Variants in PPARA observed in about 807,000 individuals in gnomAD.
The protein encoded by PPARA is peroxisome proliferator-activated receptor alpha.
Under a neutral mutation model 42.2 loss-of-function variants are expected in PPARA, and 22 were observed. That is an observed-to-expected ratio of 0.52 (90% CI 0.37 to 0.74). PPARA has a LOEUF of 0.74. PPARA is among the 30% of genes least tolerant of loss of function. The probability of loss-of-function intolerance (pLI) is 0.00; values close to 1 mark genes in which losing one functional copy is unlikely to be tolerated. For missense variants in PPARA, 465 were observed against 608.2 expected, an observed-to-expected ratio of 0.76 and a Z score of 2.48; for synonymous variants, 242 against 239.3, an observed-to-expected ratio of 1.01 and a Z score of -0.10.
intron 3 of PPARA, among the ~76,000 whole-genome samples, chr22:46,197,862 C>A (rs1932469052): frequency 6.6e-6 from 1 of 151,434 alleles, no homozygotes; most frequent in Non-Finnish European, 1.5e-5. Flanking sequence ...TGAGATCGCA[C>A]CACTGTACTC....
chr22:46,217,599 A>G (rs1015024442), intron 5 of PPARA, among the ~76,000 whole-genome samples: 1 of 152,138 alleles, frequency 6.6e-6, no homozygotes, highest in Non-Finnish European at 1.5e-5. Context: ...ACAAATATGG[A>G]AATGTCACAA....
At chr22:46,154,384 G>T (rs900909107) in intron 2 of PPARA, among the ~76,000 whole-genome samples, 7 of 152,174 alleles carry the variant, frequency 4.6e-5, no homozygotes, top group African/African-American at 1.4e-4. Flanking sequence ...TTGTGAGGCC[G>T]AAGGGGATGG....
intron 4 of PPARA, among the ~76,000 whole-genome samples, chr22:46,213,024 A>G (rs977465399): frequency 6.6e-6 from 1 of 152,202 alleles, no homozygotes; most frequent in East Asian, 1.9e-4. Context: ...TGCTGTATAC[A>G]TGTGTAGGTT....
At position 46,215,297 on chromosome 22, in the gene PPARA, C is replaced by G. The variant is rs775880093; in HGVS notation, c.333C>G (p.Gly111=). The stretch of plus-strand genomic sequence containing the variant: ...GAATCTGCGGGGACAAGGCCTCAGG[C>G]TATCATTACGGAGTCCACGCGTGTG... ...ECRICGDKAS[G]YHYGVHACEG... Residue 111 remains glycine, a synonymous_variant, in exon 5 of 9, where the codon GGC becomes GGG. Transcript: ENST00000407236. 23 of 1,614,050 alleles carry G rather than the reference C, an allele frequency of 1.4e-5. No individual in the cohort carries two copies. The highest frequency in any genetic ancestry group is 3.3e-4 in the Middle Eastern group (2 of 6,084).
chr22:46,181,583 A>T (rs11704856), intron 3 of PPARA, among the ~76,000 whole-genome samples: 17,735 of 152,162 alleles, frequency 0.12, 1,568 homozygotes, highest in African/African-American at 0.25. Context: ...TATGGAATTA[A>T]GTTGTCCCCC....
rs757779533 is a variant in PPARA at position 46,162,956 on chromosome 22, G to A, written c.-127+10986G>A. 5.3e-5 allele frequency among the ~76,000 whole-genome samples: 8 copies of A among 152,204 alleles called. No individual in the cohort carries two copies. Among genetic ancestry groups the A allele is most frequent in the Admixed American group, 2.0e-4 (3 of 15,276 alleles). Reference sequence around the variant, plus strand: ...CAAATATTTACTGAGCACGTACTGCGTGCCAGGCACTGTCCTGCTGTGGAA... The same window carrying A: ...CAAATATTTACTGAGCACGTACTGCATGCCAGGCACTGTCCTGCTGTGGAA... On this transcript the variant is annotated intron_variant, in intron 2 of 8. Coordinates refer to ENST00000407236, the MANE Select transcript of PPARA (RefSeq NM_005036.6). This position sits in a 1 kb window ranked among gnomAD's most constrained non-coding sequence, Gnocchi z 6.0.
At chr22:46,151,475 C>T (rs1445595290) in intron 1 of PPARA, among the ~76,000 whole-genome samples, 1 of 152,270 alleles carries the variant, frequency 6.6e-6, no homozygotes, top group Non-Finnish European at 1.5e-5. Context: ...GTCGGCCCTG[C>T]CCCCTCACGC....
In PPARA at chr22:46,215,226, G is replaced by A. The variant is rs779632861; in HGVS notation, c.262G>A (p.Gly88Ser). 16 of 1,614,072 alleles carry A rather than the reference G, an allele frequency of 9.9e-6. No individual in the cohort carries two copies. Among genetic ancestry groups the A allele is most frequent in the East Asian group, 2.2e-5 (1 of 44,880 alleles). ...PSSVTYPVVP[G>S]SVDESPSGAL... ...CTCGGTGACTTATCCTGTGGTCCCC[G>A]GCAGCGTGGACGAGTCTCCCAGTGG... Residue 88 changes from glycine (G) to serine (S), a missense_variant, in exon 5 of 9, where the codon GGC becomes AGC. By Grantham distance (56) the Gly-to-Ser change is moderately conservative. Around this residue, in one of 2 missense-constraint regions of PPARA, gnomAD observed 152 missense variants for 139.1 expected, o/e 1.09. Transcript: ENST00000407236.
rs2147385249 is a variant in PPARA, at chr22:46,198,454, C to T, written c.71C>T (p.Ser24Phe). The T allele has an allele frequency of 2.5e-6, 4 of 1,613,840 alleles. No individual in the cohort carries two copies. The highest frequency in any genetic ancestry group is 2.5e-6 in the Non-Finnish European group (3 of 1,179,946). The change falls in exon 4 of 9, where the codon TCT (serine) becomes TTT (phenylalanine). Residue 24 changes from serine (S) to phenylalanine (F), a missense_variant. Ser to Phe is a radical substitution (Grantham distance 155). Coordinates refer to ENST00000407236, the MANE Select transcript of PPARA (RefSeq NM_005036.6). ...LEAGDLESPLSEEFLQEMGNI... is the reference protein window; with the variant it reads ...LEAGDLESPLFEEFLQEMGNI... ...GCCGGCGATCTAGAGAGCCCGTTAT[C>T]TGAAGAGTTCCTGCAAGAAATGGGA...
In PPARA at chr22:46,184,831, C is replaced by T. The variant is rs577921103; in HGVS notation, c.-43+7995C>T. 9.2e-5 allele frequency among the ~76,000 whole-genome samples: 14 copies of T among 152,120 alleles called. No homozygotes were observed. Among genetic ancestry groups the T allele is most frequent in the African/African-American group, 1.4e-4 (6 of 41,422 alleles). ...GATTGTGTCACTGCACTCCAGCCTACGCGACAGAGCAAGACTCCGTCTCAA... is the reference window on the plus strand; with the variant it reads ...GATTGTGTCACTGCACTCCAGCCTATGCGACAGAGCAAGACTCCGTCTCAA... On this transcript the variant is annotated intron_variant, in intron 3 of 8. Coordinates refer to ENST00000407236, the MANE Select transcript of PPARA (RefSeq NM_005036.6). This position sits in a 1 kb window ranked among gnomAD's most constrained non-coding sequence, Gnocchi z 4.4.
chr22:46,218,057 C>T (rs1417027850), intron 5 of PPARA, among the ~76,000 whole-genome samples: 1 of 151,958 alleles, frequency 6.6e-6, no homozygotes, highest in Non-Finnish European at 1.5e-5. Flanking sequence ...TCTCGAACTC[C>T]TGACCTCAGG....
intron 7 of PPARA, among the ~76,000 whole-genome samples, chr22:46,226,653 G>C (rs1486176220): frequency 2.0e-5 from 3 of 152,174 alleles, no homozygotes; most frequent in Non-Finnish European, 2.9e-5. Flanking sequence ...ATTAAACAGA[G>C]TAAAACGTCT....
In PPARA at chr22:46,231,740, G is replaced by A. The variant is rs1238341947; in HGVS notation, c.712-52G>A. 1.3e-6 allele frequency: 2 copies of A among 1,560,958 alleles called. No homozygotes were observed. The highest frequency in any genetic ancestry group is 3.5e-5 in the Admixed American group (2 of 57,366). ...TGCTCATTAGTGAGCTGATAGCTGG[G>A]AGCATAGCGCATCCCACATCACCTG... On this transcript the variant is annotated intron_variant, in intron 7 of 8. Coordinates refer to ENST00000407236, the MANE Select transcript of PPARA (RefSeq NM_005036.6). This position sits in a 1 kb window ranked among gnomAD's most constrained non-coding sequence, Gnocchi z 7.7.
In PPARA at chr22:46,198,426, G is replaced by A. The variant is rs779797773; in HGVS notation, c.43G>A (p.Glu15Lys). ...ESPLCPLSPL[E>K]AGDLESPLSE... ...CCCACTCTGCCCCCTCTCCCCACTC[G>A]AGGCCGGCGATCTAGAGAGCCCGTT... Residue 15 changes from glutamate (E) to lysine (K), a missense_variant, in exon 4 of 9, where the codon GAG becomes AAG. Glu to Lys is a moderately conservative substitution (Grantham distance 56, BLOSUM62 1). Transcript: ENST00000407236. The A allele has an allele frequency of 5.6e-6, 9 of 1,613,810 alleles. No homozygotes were observed. The highest frequency in any genetic ancestry group is 6.8e-6 in the Non-Finnish European group (8 of 1,179,940).
At chr22:46,152,562 A>T (rs1303805813) in intron 2 of PPARA, among the ~76,000 whole-genome samples, 6 of 152,130 alleles carry the variant, frequency 3.9e-5, no homozygotes, top group Non-Finnish European at 7.3e-5. Context: ...TGCTTACTAG[A>T]CCCTTGGGAT....
intron 2 of PPARA, among the ~76,000 whole-genome samples, chr22:46,174,905 T>C (rs146055087): frequency 3.2e-4 from 48 of 152,118 alleles, no homozygotes; most frequent in African/African-American, 1.1e-3. Context: ...TGGATAATTG[T>C]AGTTTTTTTT....
intron 2 of PPARA, among the ~76,000 whole-genome samples, chr22:46,157,606 T>C (rs1474058472): frequency 1.3e-5 from 2 of 152,358 alleles, no homozygotes; most frequent in African/African-American, 4.8e-5. Context: ...TAAGATGACC[T>C]GAGGATCTAT....
At position 46,172,477 on chromosome 22, in the gene PPARA, G is replaced by C. The variant is rs1928242388; in HGVS notation, c.-126-4276G>C. Among the ~76,000 whole-genome samples the C allele has an allele frequency of 2.0e-5, 3 of 152,114 alleles. No individual in the cohort carries two copies. The South Asian group carries it at 6.2e-4, about 32-fold the overall frequency. On this transcript the variant is annotated intron_variant, in intron 2 of 8. Transcript: ENST00000407236. The stretch of plus-strand genomic sequence containing the variant: ...AACTGAAAATGCAAAAATTAGCCAG[G>C]CATGGTGGCGTGTGACTATAGTTCC...
chr22:46,217,819 CTTTTTTTTTTTTTTTTTTT>C lies in PPARA; in HGVS notation c.370-433_370-415del, dbSNP rs60894989. On this transcript the variant is annotated intron_variant, in intron 5 of 8. Coordinates refer to ENST00000407236, the MANE Select transcript of PPARA (RefSeq NM_005036.6). ...GACTTCTTAGAAGAACTATTTCTTT[CTTTTTTTTTTTTTTTTTTT>C]TTTTTTTTTTGAGATGGAGTCTCAC... Among the ~76,000 whole-genome samples, 69 of 77,058 alleles carry C rather than the reference CTTTTTTTTTTTTTTTTTTT, an allele frequency of 9.0e-4. 1 individual carries two copies. The South Asian group carries it at 0.031, about 34-fold the overall frequency. The allele number at this position is 77,058 out of a possible 152,430, so 50.6% of individuals were successfully genotyped here.
Sources: gnomAD v4.1 joint callset for allele counts (sites outside exome capture counted in the v4.1 genomes callset) on GRCh38, gnomAD v4.1.1 for gene constraint, gnomAD v4.1.1 regional missense constraint, Gnocchi (gnomAD v3.1) non-coding constraint, MANE v1.5 for transcripts, NCBI Gene and HGNC (gene_info 2026-07-23, HGNC 2026-07-21) for gene names.